Variants in TOGARAM1 observed in about 807,000 individuals in gnomAD.
TOGARAM1 encodes the protein TOG array regulator of axonemal microtubules protein 1.
A neutral mutation model predicts 166.6 loss-of-function variants in TOGARAM1; 100 were observed. The observed-to-expected ratio is 0.60, with a 90% confidence interval of 0.51 to 0.71. The LOEUF is 0.71. Among genes scored for constraint, TOGARAM1 ranks in the 30% least tolerant of loss-of-function variants. The pLI, the probability that TOGARAM1 is intolerant of heterozygous loss-of-function variation, is 0.00. For missense variants in TOGARAM1, 2,029 were observed against 2,102.7 expected (o/e 0.96, Z 0.69); for synonymous variants, 758 against 763.8 (o/e 0.99, Z 0.13).
chr14:44,963,828 G>A lies in TOGARAM1; in HGVS notation c.1407G>A (p.Gln469=). Reference sequence around the variant, plus strand: ...AGCTAATGAAGGAAGTAGGACCTCAGCAGGTGCTTTGTTTACTCCTGGAAC... The same window carrying A: ...AGCTAATGAAGGAAGTAGGACCTCAACAGGTGCTTTGTTTACTCCTGGAAC... ...FLKLMKEVGP[Q]QVLCLLLEHL... Residue 469 remains glutamine (Q), a synonymous_variant, in exon 1 of 20, where the codon CAG becomes CAA. Transcript: ENST00000361462. The A allele has an allele frequency of 6.2e-7, 1 of 1,614,190 alleles. No individual in the cohort carries two copies.
At chr14:45,018,403 G>A (rs28572336) in intron 7 of TOGARAM1, among the ~76,000 whole-genome samples, 6 of 151,822 alleles carry the variant, frequency 4.0e-5, no homozygotes, top group Non-Finnish European at 7.4e-5. Flanking sequence ...CCACGCCTGG[G>A]TAATTTATTT....
chr14:44,999,342 C>T (rs768873234), intron 2 of TOGARAM1, 21 bp from the exon 3 acceptor site: 2 of 1,527,750 alleles, frequency 1.3e-6, no homozygotes, highest in East Asian at 4.6e-5. Flanking sequence ...TTTATGTTTT[C>T]TCCCTTCCTT....
intron 1 of TOGARAM1, among the ~76,000 whole-genome samples, chr14:44,969,823 C>T (rs531155227): frequency 6.6e-6 from 1 of 152,276 alleles, no homozygotes; most frequent in South Asian, 2.1e-4. Context: ...ACTCCATTGC[C>T]TTTACTTCTT....
intron 1 of TOGARAM1, among the ~76,000 whole-genome samples, chr14:44,978,807 A>T (rs866573805): frequency 2.6e-5 from 4 of 151,250 alleles, no homozygotes; most frequent in Admixed American, 6.6e-5. Context: ...CTCAAAAATT[A>T]AAAAAAAGAG....
intron 13 of TOGARAM1, among the ~76,000 whole-genome samples, chr14:45,045,581 ATATGTG>A (rs1405799117): frequency 0.013 from 422 of 33,022 alleles, 2 homozygotes; most frequent in African/African-American, 0.025. Flanking sequence ...ATATATATAT[ATATGTG>A]TGTGTGTGTG....
At chr14:45,051,839 C>G (rs901522913) in intron 14 of TOGARAM1, among the ~76,000 whole-genome samples, 1 of 152,034 alleles carries the variant, frequency 6.6e-6, no homozygotes, top group Admixed American at 6.6e-5. Flanking sequence ...GGATTACAGG[C>G]GTGAGCCACT....
chr14:45,006,123 A>G lies in TOGARAM1; in HGVS notation c.2760A>G (p.Ile920Met). The part of the protein sequence containing the change: ...TKPVPPIPRG[I>M]SLLPDKADLS... ...CTGTTCCTCCCATACCAAGGGGAATAAGCCTTTTGCCTGATAAAGCTGATT... is the reference window on the plus strand; with the variant it reads ...CTGTTCCTCCCATACCAAGGGGAATGAGCCTTTTGCCTGATAAAGCTGATT... The change falls in exon 5 of 20, where the codon ATA (isoleucine) becomes ATG (methionine). Residue 920 changes from isoleucine to methionine, a missense_variant. By Grantham distance (10) the Ile-to-Met change is conservative. Coordinates refer to ENST00000361462, the MANE Select transcript of TOGARAM1 (RefSeq NM_001308120.2). 6.2e-7 allele frequency: 1 copy of G among 1,614,158 alleles called. No homozygotes were observed. The highest frequency in any genetic ancestry group is 1.1e-5 in the South Asian group (1 of 91,084).
At chr14:45,036,691 C>T (rs1157144970) in intron 11 of TOGARAM1, among the ~76,000 whole-genome samples, 1 of 152,182 alleles carries the variant, frequency 6.6e-6, no homozygotes, top group Non-Finnish European at 1.5e-5. Context: ...GCTCAAAATA[C>T]CACTAGGCTG....
chr14:44,963,545 T>G lies in TOGARAM1; in HGVS notation c.1124T>G (p.Leu375Arg). The G allele has an allele frequency of 6.2e-7, 1 of 1,614,068 alleles. No individual in the cohort carries two copies. The highest frequency in any genetic ancestry group is 1.3e-5 in the African/African-American group (1 of 75,040). Residue 375 changes from leucine (L) to arginine (R), a missense_variant, in exon 1 of 20, where the codon CTA becomes CGA. Leu to Arg is a moderately radical substitution (Grantham distance 102, BLOSUM62 -2). Around this residue, in one of 2 missense-constraint regions of TOGARAM1, gnomAD observed 1,453 missense variants for 1,432.2 expected, o/e 1.01. Coordinates refer to ENST00000361462, the MANE Select transcript of TOGARAM1 (RefSeq NM_001308120.2). ...AACCGGACCCAGGCCGTCGAAGAAC[T>G]AAAGCAGGTGCTGGGAAAATTTAAC... is the stretch of plus-strand genomic sequence containing the variant. ...YKNRTQAVEE[L>R]KQVLGKFNPS...
intron 17 of TOGARAM1, among the ~76,000 whole-genome samples, chr14:45,067,802 TAG>T (rs1883203201): frequency 6.6e-6 from 1 of 152,142 alleles, no homozygotes; most frequent in Non-Finnish European, 1.5e-5. Flanking sequence ...TCTCAGCTCA[TAG>T]AGTAGCTCTT....
intron 9 of TOGARAM1, 64 bp from the exon 10 acceptor site, chr14:45,028,110 TGA>T: frequency 7.2e-7 from 1 of 1,398,194 alleles, no homozygotes; most frequent in Non-Finnish European, 9.7e-7. Flanking sequence ...ATTAGTTATC[TGA>T]GATGAAGATA....
chr14:45,003,966 A>T (rs1887816526), intron 3 of TOGARAM1, 95 bp from the exon 4 acceptor site: 2 of 965,638 alleles, frequency 2.1e-6, no homozygotes, highest in Non-Finnish European at 3.0e-6. Flanking sequence ...GCCAATTGGG[A>T]TGAAAACCTG....
At chr14:45,009,941 T>A (rs1879693824) in intron 6 of TOGARAM1, among the ~76,000 whole-genome samples, 1 of 152,228 alleles carries the variant, frequency 6.6e-6, no homozygotes, top group Non-Finnish European at 1.5e-5. Flanking sequence ...CTAAAACAGT[T>A]TTCCAAAATG....
chr14:44,974,855 C>T (rs914543420), intron 1 of TOGARAM1, among the ~76,000 whole-genome samples: 1 of 151,920 alleles, frequency 6.6e-6, no homozygotes, highest in Non-Finnish European at 1.5e-5. Context: ...TTGTTTTTAC[C>T]TTTCACTGTG....
In TOGARAM1 at chr14:45,044,655, A is replaced by T. The variant is rs752815757; in HGVS notation, c.3939A>T (p.Gly1313=). 6.3e-7 allele frequency: 1 copy of T among 1,597,382 alleles called. No homozygotes were observed. Among genetic ancestry groups the T allele is most frequent in the Non-Finnish European group, 8.5e-7 (1 of 1,173,544 alleles). ...VVQEVKNLRS[G]VSRAAVVCLS... The stretch of plus-strand genomic sequence containing the variant: ...TTTAGGTGAAAAATTTACGTTCTGG[A>T]GTTTCTCGTGCTGCTGTGGTCTGTT... The change falls in exon 13 of 20, where the codon GGA becomes GGT. Residue 1313 remains glycine, a synonymous_variant. Coordinates refer to ENST00000361462, the MANE Select transcript of TOGARAM1 (RefSeq NM_001308120.2).
chr14:44,995,861 G>C lies in TOGARAM1; in HGVS notation c.2162G>C (p.Ser721Thr). The change falls in exon 2 of 20, where the codon AGT becomes ACT. Residue 721 changes from serine (S) to threonine (T), a missense_variant. Ser to Thr is a moderately conservative substitution (Grantham distance 58). Around this residue, in one of 2 missense-constraint regions of TOGARAM1, gnomAD observed 1,453 missense variants for 1,432.2 expected, o/e 1.01. Coordinates refer to ENST00000361462, the MANE Select transcript of TOGARAM1 (RefSeq NM_001308120.2). Reference sequence around the variant, plus strand: ...GTATCAAGAAACTTATTTCAGAATAGTCGGGATTTTAACCCAGATTGTCTT... The same window carrying C: ...GTATCAAGAAACTTATTTCAGAATACTCGGGATTTTAACCCAGATTGTCTT... The part of the protein sequence containing the change: ...KRVSRNLFQN[S>T]RDFNPDCLPL... 6.2e-7 allele frequency: 1 copy of C among 1,610,960 alleles called. No homozygotes were observed. The highest frequency in any genetic ancestry group is 8.5e-7 in the Non-Finnish European group (1 of 1,179,078).
Position 44,964,809 on chromosome 14 carries a change from A to G in TOGARAM1, c.2046+342A>G, listed in dbSNP as rs184562366. ...GATAAAGAGCTAAATTCTGGGAATG[A>G]AGATGAGGCCAGTTTCACACAGTAT... On this transcript the variant is annotated intron_variant, in intron 1 of 19. Coordinates refer to ENST00000361462, the MANE Select transcript of TOGARAM1 (RefSeq NM_001308120.2). Among the ~76,000 whole-genome samples, 42 of 152,274 alleles carry G rather than the reference A, an allele frequency of 2.8e-4. No individual in the cohort carries two copies. The East Asian group carries it at 5.8e-3, about 21-fold the overall frequency.
At position 45,027,358 on chromosome 14, in the gene TOGARAM1, G is replaced by T. The variant is rs1880911943; in HGVS notation, c.3388G>T (p.Val1130Leu). The part of the protein sequence containing the change: ...ATCSQSVISS[V>L]ENGDTFSIKQ... ...CTGCAGCCAATCAGTGATATCTTCT[G>T]TGGAAAATGGGGATACATTTTCAAT... The change falls in exon 9 of 20, where the codon GTG becomes TTG. Residue 1130 changes from valine (V) to leucine (L), a missense_variant. This residue lies in a region of TOGARAM1 where 1,453 missense variants were observed against 1,432.2 expected (regional missense o/e 1.01). Transcript: ENST00000361462. 6.2e-7 allele frequency: 1 copy of T among 1,613,642 alleles called. No individual in the cohort carries two copies. The highest frequency in any genetic ancestry group is 2.2e-5 in the East Asian group (1 of 44,804).
intron 5 of TOGARAM1, 32 bp downstream of exon 5, chr14:45,006,299 A>G: frequency 6.6e-7 from 1 of 1,508,538 alleles, no homozygotes; most frequent in Non-Finnish European, 9.0e-7. Flanking sequence ...TGACTTAAAA[A>G]TATTTGCAAT....
Sources: allele counts gnomAD v4.1 joint callset (sites outside exome capture counted in the v4.1 genomes callset), GRCh38; gene constraint gnomAD v4.1.1; regional missense constraint gnomAD v4.1.1; transcripts MANE v1.5; gene names NCBI Gene and HGNC (gene_info 2026-07-23, HGNC 2026-07-21).